Variants in C12orf42 observed in about 807,000 individuals in gnomAD.
C12orf42 encodes the protein uncharacterized protein C12orf42.
Under a neutral mutation model 21.6 loss-of-function variants are expected in C12orf42, and 25 were observed. The observed-to-expected ratio is 1.16, with a 90% confidence interval of 0.84 to 1.62. The LOEUF (loss-of-function observed/expected upper bound fraction) is 1.62. C12orf42 is among the 40% of genes most tolerant of loss of function. C12orf42 has a pLI of 0.00. For synonymous variants in C12orf42, 174 were observed against 175.0 expected, an observed-to-expected ratio of 0.99 and a Z score of 0.05; for missense variants, 483 against 459.3, an observed-to-expected ratio of 1.05 and a Z score of -0.47.
the C12orf42 span, among the ~76,000 whole-genome samples, chr12:103,089,072 A>C: frequency 2.3e-5 from 3 of 131,436 alleles, no homozygotes; most frequent in Non-Finnish European, 4.6e-5. Context: ...ACTGCACTCC[A>C]GCCTGGACGA....
At chr12:103,246,545 G>A (rs2034017995) in intron 10 of C12orf42, among the ~76,000 whole-genome samples, 1 of 151,996 alleles carries the variant, frequency 6.6e-6, no homozygotes, top group African/African-American at 2.4e-5. Flanking sequence ...AAAAAAAGAT[G>A]TCACTGTTTG....
intron 3 of C12orf42, among the ~76,000 whole-genome samples, 181 bp from the exon 4 acceptor site, chr12:103,369,179 A>G (rs2044935998): frequency 2.0e-5 from 3 of 152,190 alleles, no homozygotes; most frequent in South Asian, 2.1e-4. Flanking sequence ...TTACCTTTAC[A>G]TGCACATTCC....
chr12:103,084,330 G>A, the C12orf42 span, among the ~76,000 whole-genome samples: 1 of 152,062 alleles, frequency 6.6e-6, no homozygotes, highest in African/African-American at 2.4e-5. Context: ...TTAAAACAAT[G>A]TCCCCACTGC....
At chr12:103,162,305 T>C in the C12orf42 span, among the ~76,000 whole-genome samples, 1 of 152,148 alleles carries the variant, frequency 6.6e-6, no homozygotes, top group Admixed American at 6.5e-5. Flanking sequence ...TGTCAATCTC[T>C]ACCTTGAGCT....
the C12orf42 span, among the ~76,000 whole-genome samples, chr12:103,151,566 A>G: frequency 6.6e-6 from 1 of 152,332 alleles, no homozygotes; most frequent in South Asian, 2.1e-4. Flanking sequence ...TCAAATCAAC[A>G]TAGCAAACTG....
chr12:103,374,482 T>G (rs150034924), intron 3 of C12orf42, among the ~76,000 whole-genome samples: 201 of 152,306 alleles, frequency 1.3e-3, no homozygotes, highest in African/African-American at 4.5e-3. Flanking sequence ...ACTTCTCTGG[T>G]AAGCTAGCTT....
At chr12:103,390,584 A>G (rs553834173) in intron 3 of C12orf42, among the ~76,000 whole-genome samples, 37 of 152,304 alleles carry the variant, frequency 2.4e-4, no homozygotes, top group African/African-American at 8.9e-4. Context: ...ATATATATAG[A>G]TAAGTAGAAA....
chr12:103,061,671 T>C, the C12orf42 span, among the ~76,000 whole-genome samples: 7 of 152,030 alleles, frequency 4.6e-5, no homozygotes, highest in Non-Finnish European at 1.0e-4. Flanking sequence ...AGTATTTCTT[T>C]GATATTGGTA....
intron 4 of C12orf42, among the ~76,000 whole-genome samples, chr12:103,295,399 T>A (rs1423626196): frequency 1.3e-5 from 2 of 150,812 alleles, no homozygotes; most frequent in Non-Finnish European, 2.9e-5. Context: ...TGTAAATTCA[T>A]CAACTGCATA....
At chr12:103,350,569 G>T (rs991272060) in intron 4 of C12orf42, among the ~76,000 whole-genome samples, 8 of 152,074 alleles carry the variant, frequency 5.3e-5, no homozygotes, top group Admixed American at 5.2e-4. Context: ...TCATATCTAT[G>T]TATAGGAGAA....
At chr12:103,307,563 C>T (rs1344508402) in intron 4 of C12orf42, among the ~76,000 whole-genome samples, 2 of 152,172 alleles carry the variant, frequency 1.3e-5, no homozygotes, top group Non-Finnish European at 2.9e-5. Context: ...TGCAATGCCA[C>T]ATTTCCCTGT....
chr12:103,437,249 C>T (rs1329935513), intron 2 of C12orf42, among the ~76,000 whole-genome samples: 1 of 152,070 alleles, frequency 6.6e-6, no homozygotes, highest in Admixed American at 6.5e-5. Context: ...GGGATGCATT[C>T]AAAGCAGTGT....
the C12orf42 span, among the ~76,000 whole-genome samples, chr12:103,534,854 T>A: frequency 3.9e-5 from 6 of 152,196 alleles, no homozygotes; most frequent in African/African-American, 1.4e-4. Context: ...TTGTTTACTG[T>A]TCAGTATGAT....
chr12:103,322,994 C>T (rs148593008), intron 4 of C12orf42, among the ~76,000 whole-genome samples: 5 of 152,272 alleles, frequency 3.3e-5, no homozygotes, highest in African/African-American at 1.2e-4. Context: ...TCTATTTGTT[C>T]CATTCTGCAG....
At chr12:103,462,097 T>G (rs968470944) in intron 2 of C12orf42, among the ~76,000 whole-genome samples, 2 of 46,038 alleles carry the variant, frequency 4.3e-5, no homozygotes, top group East Asian at 7.6e-4. Context: ...TTTTGCTTGG[T>G]TTTTTTTTTT....
the C12orf42 span, among the ~76,000 whole-genome samples, chr12:103,229,553 G>A: frequency 6.6e-6 from 1 of 152,168 alleles, no homozygotes; most frequent in South Asian, 2.1e-4. Context: ...CATTTTGTGT[G>A]AAAAGAAACA....
At chr12:103,286,926 C>T (rs370686148) in intron 4 of C12orf42, among the ~76,000 whole-genome samples, 12 of 137,768 alleles carry the variant, frequency 8.7e-5, no homozygotes, top group East Asian at 4.5e-4. Context: ...GGCGACAGAG[C>T]GAGACTCCGT....
At chr12:103,444,317 C>G (rs978845595) in intron 2 of C12orf42, among the ~76,000 whole-genome samples, 2 of 151,960 alleles carry the variant, frequency 1.3e-5, no homozygotes, top group African/African-American at 2.4e-5. Flanking sequence ...ATACAAAGGG[C>G]TTTCTTCTGT....
At chr12:103,530,762 C>T in the C12orf42 span, among the ~76,000 whole-genome samples, 1 of 152,138 alleles carries the variant, frequency 6.6e-6, no homozygotes, top group Admixed American at 6.5e-5. Context: ...TCACCTAGAC[C>T]TAATCGGTTC....
Sources: gnomAD v4.1 joint callset for allele counts (sites outside exome capture counted in the v4.1 genomes callset) on GRCh38, gnomAD v4.1.1 for gene constraint, MANE v1.5 for transcripts, NCBI Gene and HGNC (gene_info 2026-07-23, HGNC 2026-07-21) for gene names.